Variants in WWOX observed in about 807,000 individuals in gnomAD.
WWOX encodes the protein WW domain containing oxidoreductase.
A neutral mutation model predicts 46.2 loss-of-function variants in WWOX; 69 were observed. The observed-to-expected ratio is 1.49, with a 90% CI of 1.23 to 1.82. WWOX has a LOEUF of 1.82. WWOX is among the 40% of genes most tolerant of loss of function. The pLI is 0.00. For synonymous variants in WWOX, 359 were observed against 202.6 expected (o/e 1.77, Z -6.56); for missense variants, 919 against 542.6 (o/e 1.69, Z -6.89).
intron 8 of WWOX, among the ~76,000 whole-genome samples, chr16:79,045,218 G>T (rs1032407165): frequency 6.6e-6 from 1 of 152,196 alleles, no homozygotes; most frequent in Non-Finnish European, 1.5e-5. Context: ...TTATGTGGTG[G>T]ATGTACCTCA....
At chr16:79,037,281 A>G (rs1054464755) in intron 8 of WWOX, among the ~76,000 whole-genome samples, 9 of 151,810 alleles carry the variant, frequency 5.9e-5, no homozygotes, top group Non-Finnish European at 1.0e-4. Flanking sequence ...TTCTTTTCCT[A>G]CCCTGCCTGG....
chr16:79,181,455 G>C (rs1279151531), intron 8 of WWOX, among the ~76,000 whole-genome samples: 1 of 152,044 alleles, frequency 6.6e-6, no homozygotes, highest in African/African-American at 2.4e-5. Flanking sequence ...AGGACAGATG[G>C]GATTTCTGAG....
chr16:78,990,114 G>C (rs187829782), intron 8 of WWOX, among the ~76,000 whole-genome samples: 1 of 150,648 alleles, frequency 6.6e-6, no homozygotes, highest in Non-Finnish European at 1.5e-5. Context: ...AGCCCAGGAA[G>C]TCTAGGCTGC....
rs187592817 is a variant in WWOX at position 78,115,493 on chromosome 16, C to T, written c.409+339C>T. On this transcript the variant is annotated intron_variant, in intron 4 of 8. Transcript: ENST00000566780. The stretch of plus-strand genomic sequence containing the variant: ...ATTCCAATTACCTGGGTTATTCAAA[C>T]CAAAATTGATTGGTAATAGAATACG... 5.3e-5 allele frequency among the ~76,000 whole-genome samples: 8 copies of T among 152,216 alleles called. No homozygotes were observed. The East Asian group carries it at 1.2e-3, about 22-fold the overall frequency.
intron 8 of WWOX, chr16:78,525,225 C>T (rs1261388272): frequency 6.8e-6 from 1 of 147,834 alleles, no homozygotes; most frequent in Non-Finnish European, 1.5e-5. Context: ...TTGCCCTGTC[C>T]CCCAGGCTGG....
At chr16:78,735,110 A>C (rs543675153) in intron 8 of WWOX, among the ~76,000 whole-genome samples, 1 of 150,990 alleles carries the variant, frequency 6.6e-6, no homozygotes, top group East Asian at 2.0e-4. Flanking sequence ...CAGATGATCC[A>C]CCTGCCTTGA....
intron 8 of WWOX, among the ~76,000 whole-genome samples, chr16:78,697,389 C>G (rs967062933): frequency 6.6e-6 from 1 of 152,084 alleles, no homozygotes; most frequent in Non-Finnish European, 1.5e-5. Flanking sequence ...GCAAATGCAA[C>G]AAAAACAAAT....
chr16:78,151,914 GGC>G (rs1381155098), intron 4 of WWOX, among the ~76,000 whole-genome samples: 3 of 152,190 alleles, frequency 2.0e-5, no homozygotes, highest in Non-Finnish European at 4.4e-5. Flanking sequence ...ATGGAGGCCA[GGC>G]GCGGTGGCTC....
At chr16:78,557,511 G>A (rs1024820723) in intron 8 of WWOX, among the ~76,000 whole-genome samples, 8 of 152,018 alleles carry the variant, frequency 5.3e-5, no homozygotes, top group Non-Finnish European at 1.2e-4. Flanking sequence ...GGAGCACTGG[G>A]CCCATGGAGC....
chr16:78,860,916 G>A (rs2043870745), intron 8 of WWOX, among the ~76,000 whole-genome samples: 1 of 152,154 alleles, frequency 6.6e-6, no homozygotes, highest in Non-Finnish European at 1.5e-5. Flanking sequence ...CCCAGGCCCA[G>A]GTGATCCTCC....
At chr16:78,640,078 G>A (rs550222332) in intron 8 of WWOX, among the ~76,000 whole-genome samples, 2 of 152,072 alleles carry the variant, frequency 1.3e-5, no homozygotes, top group African/African-American at 4.8e-5. Context: ...TTTAAATGAG[G>A]GGTTCAAAAT....
intron 8 of WWOX, among the ~76,000 whole-genome samples, chr16:79,208,404 G>C (rs938697810): frequency 2.6e-5 from 4 of 152,036 alleles, no homozygotes; most frequent in Non-Finnish European, 5.9e-5. Context: ...TCGTTTAGGG[G>C]AACCCATAGC....
In WWOX at chr16:79,199,283, G is replaced by T. The variant is rs144490208; in HGVS notation, c.1057-12325G>T. 5.3e-3 allele frequency among the ~76,000 whole-genome samples: 813 copies of T among 152,156 alleles called. 4 individuals carry two copies. Among genetic ancestry groups the T allele is most frequent in the Non-Finnish European group, 8.8e-3 (597 of 68,000 alleles). On this transcript the variant is annotated intron_variant, in intron 8 of 8. Transcript: ENST00000566780. The stretch of plus-strand genomic sequence containing the variant: ...TCACCATGTTGGCCAGGCTGGTCTC[G>T]AACTCCTGACCTCAAGTGATCCACC...
At chr16:78,154,031 C>T (rs571928560) in intron 4 of WWOX, among the ~76,000 whole-genome samples, 11 of 152,216 alleles carry the variant, frequency 7.2e-5, no homozygotes, top group South Asian at 4.1e-4. Flanking sequence ...TCATGGTGTG[C>T]GGCTGCCTGC....
chr16:78,253,792 C>T (rs776084828), intron 5 of WWOX, among the ~76,000 whole-genome samples: 16 of 152,214 alleles, frequency 1.1e-4, no homozygotes, highest in Middle Eastern at 6.8e-3. Context: ...CTAAATAAAA[C>T]CCAAGAGATT....
At chr16:78,936,681 C>T (rs553143839) in intron 8 of WWOX, among the ~76,000 whole-genome samples, 1 of 151,930 alleles carries the variant, frequency 6.6e-6, no homozygotes, top group African/African-American at 2.4e-5. Context: ...AGCAACGTAC[C>T]CTAGGTAAGG....
At chr16:78,784,313 C>G (rs1225373760) in intron 8 of WWOX, among the ~76,000 whole-genome samples, 3 of 152,132 alleles carry the variant, frequency 2.0e-5, no homozygotes, top group African/African-American at 4.8e-5. Flanking sequence ...CAAGCCCTGA[C>G]TCCTTTTGTG....
chr16:78,923,042 C>G (rs536179503), intron 8 of WWOX, among the ~76,000 whole-genome samples: 6 of 144,524 alleles, frequency 4.2e-5, no homozygotes, highest in African/African-American at 1.5e-4. Context: ...AGTGCAATGG[C>G]GCAATGTTGG....
At chr16:78,866,686 T>A (rs2044011196) in intron 8 of WWOX, among the ~76,000 whole-genome samples, 2 of 152,234 alleles carry the variant, frequency 1.3e-5, no homozygotes, top group Non-Finnish European at 1.5e-5. Context: ...CTGATTGTTC[T>A]AAGTAAATGG....
Sources: allele counts gnomAD v4.1 joint callset (sites outside exome capture counted in the v4.1 genomes callset), GRCh38; gene constraint gnomAD v4.1.1; transcripts MANE v1.5; gene names NCBI Gene and HGNC (gene_info 2026-07-23, HGNC 2026-07-21).